SHROOM4: variants seen among roughly 807,000 people sequenced by gnomAD.
SHROOM4 encodes the protein protein Shroom4.
SHROOM4 carries 17 observed loss-of-function variants against 80.3 expected under a neutral mutation model. The ratio of observed to expected loss-of-function variants is 0.21; its 90% CI spans 0.14 to 0.32. The LOEUF is 0.32. Ranked by LOEUF, SHROOM4 falls within the 10% of genes least tolerant of loss-of-function variation. The pLI is 1.00. For synonymous variants in SHROOM4, 400 were observed against 437.5 expected (o/e 0.91, Z 1.07); for missense variants, 993 against 1,140.3 (o/e 0.87, Z 1.86).
intron 2 of SHROOM4, among the ~76,000 whole-genome samples, chrX:50,652,125 A>G (rs1043395644): frequency 1.8e-5 from 2 of 111,860 alleles, no homozygotes; most frequent in Non-Finnish European, 3.8e-5. Flanking sequence ...ATCAAACGGT[A>G]TTTCTGGTTC....
intron 2 of SHROOM4, among the ~76,000 whole-genome samples, chrX:50,668,718 G>T (rs1557260550): frequency 1.8e-5 from 2 of 111,865 alleles, no homozygotes; most frequent in African/African-American, 6.5e-5. Context: ...AGACATGCAT[G>T]AAACAAATGA....
At position 50,633,649 on chromosome X, in the gene SHROOM4, G is replaced by T. The variant is rs1557254819; in HGVS notation, c.2424C>A (p.Asp808Glu). ...TGGAGCTCATTGGCTGGAAGTTTTG[G>T]TCTATAGGTTTTGGTCTCTGGGTAA... ...KTFTQRPKPI[D>E]QNFQPMSSSC... The change falls in exon 4 of 9, where the codon GAC becomes GAA. Residue 808 changes from aspartate (D) to glutamate (E), a missense_variant. By Grantham distance (45) the Asp-to-Glu change is conservative (BLOSUM62 2). Coordinates refer to ENST00000376020, the MANE Select transcript of SHROOM4 (RefSeq NM_020717.5). 8.3e-7 allele frequency: 1 copy of T among 1,211,981 alleles called. No homozygotes were observed. Among genetic ancestry groups the T allele is most frequent in the Admixed American group, 2.2e-5 (1 of 46,094 alleles).
At chrX:50,605,449 T>A (rs1443890152) in intron 6 of SHROOM4, among the ~76,000 whole-genome samples, 1 of 112,648 alleles carries the variant, frequency 8.9e-6, no homozygotes, top group African/African-American at 3.2e-5. Context: ...AACAAATGTT[T>A]TCCCTTACAT....
chrX:50,649,995 A>G (rs1931978942), intron 2 of SHROOM4, among the ~76,000 whole-genome samples: 1 of 112,249 alleles, frequency 8.9e-6, no homozygotes, highest in African/African-American at 3.2e-5. Context: ...TAGCTGTCCA[A>G]CATTTAGGAA....
chrX:50,802,673 A>G (rs1936150157), intron 1 of SHROOM4, among the ~76,000 whole-genome samples: 1 of 111,977 alleles, frequency 8.9e-6, no homozygotes, highest in Non-Finnish European at 1.9e-5. Flanking sequence ...GTACTGTGCT[A>G]GGTGCTTTAT....
At chrX:50,755,786 A>G (rs953083042) in intron 1 of SHROOM4, among the ~76,000 whole-genome samples, 1 of 111,581 alleles carries the variant, frequency 9.0e-6, no homozygotes, top group Non-Finnish European at 1.9e-5. Flanking sequence ...AAGTTGGAAC[A>G]CAGAATCCAG....
At position 50,592,323 on chromosome X, in the gene SHROOM4, T is replaced by C; in HGVS notation, c.*4372A>G. 1 of 268,216 alleles carries C rather than the reference T, an allele frequency of 3.7e-6. No individual in the cohort carries two copies. The highest frequency in any genetic ancestry group is 7.0e-6 in the Non-Finnish European group (1 of 142,381). The allele number at this position is 268,216 out of a possible 1,213,427, so 22.1% of individuals were successfully genotyped here. ...TTTGGGGTGGGCCTGGGATTCTGCC[T>C]AATAACTTCTTGGATTGTTAGTGGC... On this transcript the variant is annotated 3_prime_UTR_variant, in exon 9 of 9. Coordinates refer to ENST00000376020, the MANE Select transcript of SHROOM4 (RefSeq NM_020717.5).
chrX:50,741,467 T>C (rs1293522015), intron 1 of SHROOM4, among the ~76,000 whole-genome samples: 1 of 110,849 alleles, frequency 9.0e-6, no homozygotes, highest in Non-Finnish European at 1.9e-5. Context: ...AATAGGTAAA[T>C]GAGGTGATAT....
At chrX:50,766,753 T>C (rs1183245317) in intron 1 of SHROOM4, among the ~76,000 whole-genome samples, 1 of 111,553 alleles carries the variant, frequency 9.0e-6, no homozygotes, top group Non-Finnish European at 1.9e-5. Context: ...TAGTTTTGCA[T>C]AGTGAAATAT....
intron 1 of SHROOM4, among the ~76,000 whole-genome samples, chrX:50,753,087 T>C (rs1057032270): frequency 8.9e-5 from 10 of 111,912 alleles, no homozygotes; most frequent in Non-Finnish European, 1.7e-4. Flanking sequence ...GACTATTAGC[T>C]AGTTCTTTGT....
In SHROOM4 at chrX:50,633,470, T is replaced by C. The variant is rs1931161154; in HGVS notation, c.2603A>G (p.Asn868Ser). The part of the protein sequence containing the change: ...SECFASKGLE[N>S]SMCCKPLHCG... ...GTGTAGTGGCTTACAACACATGGAA[T>C]TTTCTAGACCTTTGCTTGCAAAACA... Residue 868 changes from asparagine (N) to serine (S), a missense_variant, in exon 4 of 9, where the codon AAT becomes AGT. Physicochemically the swap from Asn to Ser is conservative, Grantham distance 46 (BLOSUM62 1). Coordinates refer to ENST00000376020, the MANE Select transcript of SHROOM4 (RefSeq NM_020717.5). 8.3e-7 allele frequency: 1 copy of C among 1,211,746 alleles called. No homozygotes were observed. Among genetic ancestry groups the C allele is most frequent in the African/African-American group, 1.7e-5 (1 of 57,726 alleles).
chrX:50,795,143 TATGATATATATATATATATATATG>T lies in SHROOM4; in HGVS notation c.117+18735_117+18758del, dbSNP rs1935974282. On this transcript the variant is annotated intron_variant, in intron 1 of 8. Coordinates refer to ENST00000376020, the MANE Select transcript of SHROOM4 (RefSeq NM_020717.5). ...TATATATATGATATATATATATATATATGATATATATATATATATATATGATATATATATATATAAAACCATGGA... is the reference window on the plus strand; with the variant it reads ...TATATATATGATATATATATATATATATATATATATATATAAAACCATGGA... Among the ~76,000 whole-genome samples, 5 of 2,678 alleles carry T rather than the reference TATGATATATATATATATATATATG, an allele frequency of 1.9e-3. 1 individual carries two copies. The highest frequency in any genetic ancestry group is 3.1e-3 in the African/African-American group (5 of 1,636). The allele number at this position is 2,678 out of a possible 115,157, so 2.3% of individuals were successfully genotyped here. A position where few individuals can be genotyped will look rare whatever the true frequency, so the allele number is the denominator to read the frequency against.
intron 2 of SHROOM4, among the ~76,000 whole-genome samples, chrX:50,639,451 C>G (rs1461927901): frequency 9.0e-6 from 1 of 111,316 alleles, no homozygotes; most frequent in Non-Finnish European, 1.9e-5. Context: ...AAATGGATGA[C>G]AGAGAAAGAG....
At chrX:50,639,297 G>C (rs1931494270) in intron 2 of SHROOM4, among the ~76,000 whole-genome samples, 1 of 110,562 alleles carries the variant, frequency 9.0e-6, no homozygotes, top group Admixed American at 9.6e-5. Flanking sequence ...GAAGGAGGGA[G>C]AGTAGAGAGA....
chrX:50,596,195 G>A lies in SHROOM4; in HGVS notation c.*500C>T. On this transcript the variant is annotated 3_prime_UTR_variant, in exon 9 of 9. Transcript: ENST00000376020. ...AATTCCTCCCTCTGTGCTTTCCCCT[G>A]CAAAGCTTGGGTGAGGCCCTGAAAC... is the stretch of plus-strand genomic sequence containing the variant. 1 of 331,765 alleles carries A rather than the reference G, an allele frequency of 3.0e-6. No homozygotes were observed. Among genetic ancestry groups the A allele is most frequent in the Non-Finnish European group, 5.8e-6 (1 of 171,263 alleles). 27.3% of individuals were successfully genotyped at this position (331,765 alleles called of 1,213,427 possible). A position where few individuals can be genotyped will look rare whatever the true frequency, so the allele number is the denominator to read the frequency against.
At chrX:50,609,692 T>TGTGTGTGTGC (rs58411066) in intron 5 of SHROOM4, among the ~76,000 whole-genome samples, 1 of 107,513 alleles carries the variant, frequency 9.3e-6, no homozygotes, top group Non-Finnish European at 1.9e-5. Flanking sequence ...TGTGTGTGTG[T>TGTGTGTGTGC]ATAATTTTAA....
At chrX:50,608,620 T>C (rs1929809590) in intron 5 of SHROOM4, among the ~76,000 whole-genome samples, 1 of 112,232 alleles carries the variant, frequency 8.9e-6, no homozygotes, top group South Asian at 3.7e-4. Flanking sequence ...TTGCATGTGC[T>C]GTTTTCTGGG....
rs1928855281 is a variant in SHROOM4, at chrX:50,590,646, G to GCAT, written c.*6046_*6048dup. Among the ~76,000 whole-genome samples the GCAT allele has an allele frequency of 8.9e-6, 1 of 111,927 alleles. No homozygotes were observed. The highest frequency in any genetic ancestry group is 3.2e-5 in the African/African-American group (1 of 30,811). On this transcript the variant is annotated 3_prime_UTR_variant, in exon 9 of 9. Coordinates refer to ENST00000376020, the MANE Select transcript of SHROOM4 (RefSeq NM_020717.5). ...CCCTCACAAGGCATTGAATCTGCTG[G>GCAT]CATCTTGCTCTCAGATTTCCCAGTC...
downstream of SHROOM4, among the ~76,000 whole-genome samples, chrX:50,581,815 GGGT>G (rs782685756): frequency 8.9e-6 from 1 of 111,893 alleles, no homozygotes; most frequent in South Asian, 3.8e-4. Context: ...CCTTCCAAGA[GGGT>G]TTGTGTTTAT....
Sources: gnomAD v4.1 joint callset for allele counts (sites outside exome capture counted in the v4.1 genomes callset) on GRCh38, gnomAD v4.1.1 for gene constraint, MANE v1.5 for transcripts, NCBI Gene and HGNC (gene_info 2026-07-23, HGNC 2026-07-21) for gene names.